The following OPCML variants were observed in gnomAD, a reference collection of about 807,000 sequenced individuals.
The protein encoded by OPCML is opioid binding protein/cell adhesion molecule like, also known as opioid-binding protein/cell adhesion molecule.
In OPCML, 13 loss-of-function variants were observed where a neutral mutation model predicts 37.8. The observed-to-expected ratio is 0.34, with a 90% CI of 0.22 to 0.55. The LOEUF (loss-of-function observed/expected upper bound fraction) is 0.55. OPCML is among the 20% of genes least tolerant of loss of function. The pLI is 0.91. For synonymous variants in OPCML, 176 were observed against 168.8 expected (o/e 1.04, Z -0.33); for missense variants, 341 against 435.6 (o/e 0.78, Z 1.93).
chr11:132,588,720 T>C (rs1172440251), intron 3 of OPCML, among the ~76,000 whole-genome samples: 2 of 152,168 alleles, frequency 1.3e-5, no homozygotes, highest in Non-Finnish European at 2.9e-5. Flanking sequence ...AGAGAATCCA[T>C]GGCCAGTGTC....
At chr11:132,921,156 C>T (rs1468458354) in intron 2 of OPCML, among the ~76,000 whole-genome samples, 1 of 152,192 alleles carries the variant, frequency 6.6e-6, no homozygotes. Flanking sequence ...CAGCCTGGAA[C>T]CCTCGTGTTT....
chr11:132,809,838 T>C (rs1309498889), intron 2 of OPCML, among the ~76,000 whole-genome samples: 2 of 151,852 alleles, frequency 1.3e-5, no homozygotes, highest in African/African-American at 2.4e-5. Context: ...TCTTGTTTAT[T>C]TATGTACTTA....
At position 132,416,102 on chromosome 11, in the gene OPCML, T is replaced by C. The variant is rs2095937782; in HGVS notation, c.*4091A>G. ...AATGAAAACAAAAGATTCTTGCTGT[T>C]GGAGAAAAAGAAAATAAATGCATTT... On this transcript the variant is annotated 3_prime_UTR_variant, in exon 8 of 8. Coordinates refer to ENST00000524381, the MANE Select transcript of OPCML (RefSeq NM_001012393.5). The C allele has an allele frequency of 6.6e-6, 1 of 152,402 alleles. No individual in the cohort carries two copies. Among genetic ancestry groups the C allele is most frequent in the Non-Finnish European group, 1.5e-5 (1 of 68,042 alleles). The allele number at this position is 152,402 out of a possible 1,614,324, so 9.4% of individuals were successfully genotyped here.
At chr11:132,683,554 C>T (rs1236729974) in intron 2 of OPCML, among the ~76,000 whole-genome samples, 1 of 152,152 alleles carries the variant, frequency 6.6e-6, no homozygotes, top group Non-Finnish European at 1.5e-5. Context: ...CTCTGAACCT[C>T]AATTTTCTCA....
chr11:133,005,128 A>G (rs1947082383), intron 1 of OPCML: 1 of 985,242 alleles, frequency 1.0e-6, no homozygotes. Context: ...CAAACTTAGA[A>G]TGAAATCCCT....
At chr11:132,981,752 C>G (rs971235334) in intron 1 of OPCML, among the ~76,000 whole-genome samples, 24 of 152,108 alleles carry the variant, frequency 1.6e-4, no homozygotes, top group African/African-American at 5.8e-4. Flanking sequence ...AATGACATCA[C>G]CAAATAAGAA....
intron 2 of OPCML, among the ~76,000 whole-genome samples, chr11:132,779,393 A>T (rs1435381571): frequency 3.9e-5 from 6 of 152,156 alleles, no homozygotes; most frequent in Non-Finnish European, 7.4e-5. Flanking sequence ...CTTACTCTTT[A>T]TCTTAAAATC....
At chr11:132,786,981 C>A (rs1010930320) in intron 2 of OPCML, among the ~76,000 whole-genome samples, 1 of 152,092 alleles carries the variant, frequency 6.6e-6, no homozygotes, top group Non-Finnish European at 1.5e-5. Flanking sequence ...CCAAAGTCAG[C>A]GAGCATCAGC....
chr11:132,978,975 C>T (rs547399751), intron 1 of OPCML, among the ~76,000 whole-genome samples: 37 of 152,246 alleles, frequency 2.4e-4, no homozygotes, highest in South Asian at 8.3e-4. Flanking sequence ...AACTCACAGC[C>T]CCCACATGTT....
At chr11:133,095,085 G>A (rs77843463) in intron 1 of OPCML, among the ~76,000 whole-genome samples, 2,588 of 151,852 alleles carry the variant, frequency 0.017, 69 homozygotes, top group African/African-American at 0.058. Context: ...ACACGATATG[G>A]TTGTGTCAAA....
At chr11:132,526,263 A>G (rs567417963) in intron 4 of OPCML, among the ~76,000 whole-genome samples, 1 of 152,304 alleles carries the variant, frequency 6.6e-6, no homozygotes, top group African/African-American at 2.4e-5. Context: ...TGGGATTTCA[A>G]GCATTTATAA....
chr11:133,237,571 G>T (rs1387761202), intron 1 of OPCML, among the ~76,000 whole-genome samples: 2 of 152,116 alleles, frequency 1.3e-5, no homozygotes, highest in African/African-American at 2.4e-5. Flanking sequence ...AAGAGGGAGG[G>T]TGTTAGGCTA....
intron 1 of OPCML, among the ~76,000 whole-genome samples, chr11:133,335,622 CAG>C (rs1943728696): frequency 6.6e-6 from 1 of 152,146 alleles, no homozygotes; most frequent in Non-Finnish European, 1.5e-5. Flanking sequence ...GACTTTCAAT[CAG>C]AAAAACAGTT....
intron 2 of OPCML, among the ~76,000 whole-genome samples, chr11:132,722,834 G>T (rs1382559672): frequency 1.3e-5 from 2 of 152,134 alleles, no homozygotes; most frequent in African/African-American, 2.4e-5. Flanking sequence ...GTTTTAACAC[G>T]ATTGCTTCAG....
chr11:132,502,836 C>T (rs761175447), intron 4 of OPCML, among the ~76,000 whole-genome samples: 3 of 152,122 alleles, frequency 2.0e-5, no homozygotes, highest in Non-Finnish European at 4.4e-5. Context: ...GAGAGTGGGG[C>T]GCCTTGGCTT....
intron 1 of OPCML, among the ~76,000 whole-genome samples, chr11:133,524,456 T>C (rs948378163): frequency 1.3e-5 from 2 of 152,066 alleles, no homozygotes; most frequent in Admixed American, 1.3e-4. Flanking sequence ...ATTCTCCTTT[T>C]GATTGGTACA....
intron 2 of OPCML, among the ~76,000 whole-genome samples, chr11:132,776,298 G>A (rs117190246): frequency 0.011 from 1,614 of 152,268 alleles, 13 homozygotes; most frequent in Middle Eastern, 0.034. Context: ...TCATGCTAAT[G>A]CACCTTATGT....
At chr11:132,490,586 A>C (rs2137066086) in intron 4 of OPCML, among the ~76,000 whole-genome samples, 1 of 152,160 alleles carries the variant, frequency 6.6e-6, no homozygotes. Context: ...TGGGAGGCCG[A>C]GGCGGGCGGA....
chr11:133,330,533 G>C (rs1305614947), intron 1 of OPCML, among the ~76,000 whole-genome samples: 1 of 152,160 alleles, frequency 6.6e-6, no homozygotes, highest in African/African-American at 2.4e-5. Context: ...CATGTCCTTT[G>C]TAGGGACATG....
Sources: gnomAD v4.1 joint callset for allele counts (sites outside exome capture counted in the v4.1 genomes callset) on GRCh38, gnomAD v4.1.1 for gene constraint, MANE v1.5 for transcripts, NCBI Gene and HGNC (gene_info 2026-07-23, HGNC 2026-07-21) for gene names.